Variants in NR3C1 observed in about 807,000 individuals in gnomAD.
NR3C1 encodes glucocorticoid receptor.
A neutral mutation model predicts 74.0 loss-of-function variants in NR3C1; 14 were observed. That is an observed-to-expected ratio of 0.19 (90% confidence interval 0.12 to 0.30). The LOEUF is 0.30. Among genes scored for constraint, NR3C1 ranks in the 10% least tolerant of loss-of-function variants. The pLI is 1.00. For synonymous variants in NR3C1, 308 were observed against 332.5 expected, an observed-to-expected ratio of 0.93 and a Z score of 0.80; for missense variants, 695 against 909.8, an observed-to-expected ratio of 0.76 and a Z score of 3.04.
chr5:143,345,221 T>C (rs1829050661), intron 2 of NR3C1, among the ~76,000 whole-genome samples: 1 of 152,130 alleles, frequency 6.6e-6, no homozygotes, highest in African/African-American at 2.4e-5. Context: ...TTATTATTAT[T>C]GTTTTTTGAG....
intron 2 of NR3C1, among the ~76,000 whole-genome samples, chr5:143,333,689 A>G (rs1826490413): frequency 6.6e-6 from 1 of 151,994 alleles, no homozygotes; most frequent in African/African-American, 2.4e-5. Context: ...AATCGCTTGA[A>G]CCCAGGAGGC....
chr5:143,424,404 G>C (rs1351902971), intron 1 of NR3C1, among the ~76,000 whole-genome samples: 1 of 152,094 alleles, frequency 6.6e-6, no homozygotes, highest in Non-Finnish European at 1.5e-5. Flanking sequence ...ACAAATGCTT[G>C]AGGTGACGGA....
At chr5:143,401,460 C>T (rs1273563784) in intron 1 of NR3C1, 1 of 156,128 alleles carries the variant, frequency 6.4e-6, no homozygotes, top group East Asian at 1.9e-4. Context: ...TGCTTATCTT[C>T]CGACAGGCTG....
intron 2 of NR3C1, among the ~76,000 whole-genome samples, chr5:143,374,490 C>CAA (rs33963148): frequency 5.4e-4 from 61 of 113,038 alleles, no homozygotes; most frequent in Non-Finnish European, 7.2e-4. Context: ...GACTCTGTCT[C>CAA]AAAAAAAAAA....
intron 2 of NR3C1, among the ~76,000 whole-genome samples, chr5:143,337,728 C>T (rs966810897): frequency 6.6e-6 from 1 of 152,100 alleles, no homozygotes; most frequent in African/African-American, 2.4e-5. Flanking sequence ...TGCAAAATGA[C>T]ATATATAATA....
exon 1 of NR3C1, chr5:143,434,828 A>T: frequency 1.0e-6 from 1 of 985,454 alleles, no homozygotes; most frequent in Non-Finnish European, 1.2e-6. Flanking sequence ...TATGACGCAG[A>T]TTCCTTTTTT....
exon 1 of NR3C1, chr5:143,435,262 C>T (rs1205291006): frequency 3.0e-6 from 3 of 985,296 alleles, no homozygotes; most frequent in South Asian, 4.7e-5. Flanking sequence ...TGGACACATG[C>T]GCATTTTACG....
At chr5:143,414,235 T>C (rs1014151612) in intron 1 of NR3C1, among the ~76,000 whole-genome samples, 4 of 152,214 alleles carry the variant, frequency 2.6e-5, no homozygotes, top group South Asian at 2.1e-4. Context: ...GCTAGTTTTA[T>C]CGTCTTCCAC....
At chr5:143,425,420 C>A (rs1391873475) in intron 1 of NR3C1, among the ~76,000 whole-genome samples, 2 of 151,936 alleles carry the variant, frequency 1.3e-5, no homozygotes, top group Non-Finnish European at 2.9e-5. Context: ...AAAAGACAAC[C>A]CACAGAATGG....
chr5:143,349,210 G>A (rs1032788409), intron 2 of NR3C1, among the ~76,000 whole-genome samples: 2 of 152,092 alleles, frequency 1.3e-5, no homozygotes, highest in Non-Finnish European at 2.9e-5. Flanking sequence ...TTTCCCCAAG[G>A]ATATCATTTT....
chr5:143,384,147 C>T (rs1836752258), intron 2 of NR3C1, among the ~76,000 whole-genome samples: 1 of 152,154 alleles, frequency 6.6e-6, no homozygotes, highest in Non-Finnish European at 1.5e-5. Flanking sequence ...GGAAGTGCCA[C>T]ACACTTTCAA....
chr5:143,296,196 T>A (rs1284246318), intron 6 of NR3C1, among the ~76,000 whole-genome samples: 1 of 152,092 alleles, frequency 6.6e-6, no homozygotes, highest in African/African-American at 2.4e-5. Context: ...TTCAAATAGG[T>A]CTCTAAAGTT....
At chr5:143,391,286 AGTTT>A (rs1267896061) in intron 2 of NR3C1, among the ~76,000 whole-genome samples, 3 of 152,178 alleles carry the variant, frequency 2.0e-5, no homozygotes, top group Admixed American at 2.0e-4. Context: ...GTTTAACTGA[AGTTT>A]TTTTCAACCA....
intron 6 of NR3C1, 58 bp downstream of exon 6, chr5:143,298,610 C>T (rs1421585540): frequency 5.1e-6 from 8 of 1,561,892 alleles, no homozygotes; most frequent in Non-Finnish European, 6.2e-6. Context: ...ATCAGGAAAA[C>T]ATCAGCTGGT....
intron 2 of NR3C1, among the ~76,000 whole-genome samples, chr5:143,334,501 T>C (rs1688910702): frequency 6.6e-6 from 1 of 152,144 alleles, no homozygotes; most frequent in Admixed American, 6.5e-5. Context: ...ATCGGCACAT[T>C]CCATGGAGGA....
intron 2 of NR3C1, among the ~76,000 whole-genome samples, chr5:143,383,977 T>C (rs2151895407): frequency 6.6e-6 from 1 of 152,332 alleles, no homozygotes; most frequent in African/African-American, 2.4e-5. Context: ...TACCTGTGTC[T>C]GGATAATTTA....
At chr5:143,404,424 C>T, upstream of NR3C1, 6 of 985,578 alleles carry the variant, frequency 6.1e-6, no homozygotes, top group African/African-American at 1.7e-5. Context: ...ACCACCGCAT[C>T]ATCTGGGCGG....
intron 2 of NR3C1, among the ~76,000 whole-genome samples, chr5:143,328,032 G>A (rs768699444): frequency 1.3e-5 from 2 of 152,232 alleles, no homozygotes; most frequent in Non-Finnish European, 2.9e-5. Context: ...GGTTCTCCAT[G>A]AAGGCTCTGC....
upstream of NR3C1, among the ~76,000 whole-genome samples, chr5:143,406,120 CAT>C (rs1171517419): frequency 6.6e-6 from 1 of 150,672 alleles, no homozygotes; most frequent in South Asian, 2.1e-4. Flanking sequence ...TATGTATACA[CAT>C]ATATATTATA....
Sources: allele counts gnomAD v4.1 joint callset (sites outside exome capture counted in the v4.1 genomes callset), GRCh38; gene constraint gnomAD v4.1.1; transcripts MANE v1.5; gene names NCBI Gene and HGNC (gene_info 2026-07-23, HGNC 2026-07-21).